The following MCM5 variants were observed in gnomAD, a reference collection of about 807,000 sequenced individuals.
MCM5 encodes the protein minichromosome maintenance complex component 5.
In MCM5, 46 loss-of-function variants were observed where a neutral mutation model predicts 79.9. The observed-to-expected ratio is 0.58, with a 90% CI of 0.45 to 0.74. MCM5 has a LOEUF of 0.74. Ranked by LOEUF, MCM5 falls within the 30% of genes least tolerant of loss-of-function variation. The probability of loss-of-function intolerance (pLI) is 0.00; values close to 1 mark genes in which losing one functional copy is unlikely to be tolerated. For synonymous variants in MCM5, 404 were observed against 390.5 expected (o/e 1.03, Z -0.41); for missense variants, 883 against 1,017.0 (o/e 0.87, Z 1.79).
chr22:35,424,014 A>C (rs1407333725), intron 16 of MCM5, 140 bp from the exon 17 acceptor site: 5 of 598,170 alleles, frequency 8.4e-6, no homozygotes. Flanking sequence ...TGTCTGGTAC[A>C]CAGTGGGCAC....
At chr22:35,434,496 G>A in the MCM5 span, among the ~76,000 whole-genome samples, 3 of 152,234 alleles carry the variant, frequency 2.0e-5, no homozygotes, top group South Asian at 6.2e-4. Flanking sequence ...ATTATCTCCT[G>A]GACCAATCAC....
At chr22:35,453,776 G>C in the MCM5 span, among the ~76,000 whole-genome samples, 1 of 143,726 alleles carries the variant, frequency 7.0e-6, no homozygotes, top group Admixed American at 7.1e-5. Flanking sequence ...GACAAATATA[G>C]GAAGACAGAG....
intron 16 of MCM5, 127 bp downstream of exon 16, chr22:35,423,468 TC>T: frequency 9.4e-7 from 1 of 1,067,052 alleles, no homozygotes; most frequent in Non-Finnish European, 1.3e-6. Flanking sequence ...TGGACAACTG[TC>T]CCTTTCTCAG....
chr22:35,418,399 G>A (rs551076684), intron 13 of MCM5, among the ~76,000 whole-genome samples: 5 of 152,030 alleles, frequency 3.3e-5, no homozygotes, highest in African/African-American at 7.2e-5. Context: ...AGTGGCTCAC[G>A]CTGTAATCCC....
intron 13 of MCM5, among the ~76,000 whole-genome samples, chr22:35,418,320 C>T (rs765574649): frequency 1.8e-4 from 28 of 152,264 alleles, no homozygotes; most frequent in Non-Finnish European, 3.8e-4. Flanking sequence ...CAGTGAGTCG[C>T]AGCTGCAATT....
intron 9 of MCM5, 73 bp downstream of exon 9, chr22:35,414,059 T>C (rs80433): frequency 0.74 from 714,186 of 961,286 alleles, 269,073 homozygotes; most frequent in African/African-American, 0.95. Context: ...CTCTGGGTCC[T>C]CAGGACACCT....
At chr22:35,413,757 A>C in intron 8 of MCM5, 118 bp from the exon 9 acceptor site, 1 of 684,154 alleles carries the variant, frequency 1.5e-6, no homozygotes, top group South Asian at 1.6e-5. Flanking sequence ...CTTCTTACCA[A>C]CTCTGAGGCC....
chr22:35,401,247 C>G (rs934292373), intron 2 of MCM5: 5 of 377,948 alleles, frequency 1.3e-5, no homozygotes, highest in Non-Finnish European at 2.7e-5. Context: ...TCCTGTTCAT[C>G]TGCTTCCTAT....
At chr22:35,400,844 G>A (rs1459526371) in intron 2 of MCM5, among the ~76,000 whole-genome samples, 1 of 152,004 alleles carries the variant, frequency 6.6e-6, no homozygotes, top group African/African-American at 2.4e-5. Context: ...ATTTTGAGAC[G>A]GAGTCTCGCT....
intron 12 of MCM5, among the ~76,000 whole-genome samples, chr22:35,417,191 C>T (rs936668325): frequency 9.9e-5 from 15 of 152,118 alleles, no homozygotes; most frequent in African/African-American, 3.1e-4. Context: ...TTGGTAAGTC[C>T]GGCGGCTTAA....
chr22:35,448,072 C>T, the MCM5 span, among the ~76,000 whole-genome samples: 3 of 152,184 alleles, frequency 2.0e-5, no homozygotes, highest in East Asian at 1.9e-4. Context: ...CCCACACATG[C>T]GGTGTCTCAT....
intron 14 of MCM5, 99 bp from the exon 15 acceptor site, chr22:35,421,219 T>A (rs1484683886): frequency 7.7e-7 from 1 of 1,303,884 alleles, no homozygotes; most frequent in African/African-American, 1.5e-5. Context: ...TCCACCACAG[T>A]CTTACCACTT....
At chr22:35,418,774 T>C (rs551932269) in intron 13 of MCM5, among the ~76,000 whole-genome samples, 6 of 152,206 alleles carry the variant, frequency 3.9e-5, no homozygotes, top group South Asian at 2.1e-4. Flanking sequence ...ATTTTCTATA[T>C]GAATAAATTA....
chr22:35,414,043 C>A, intron 9 of MCM5, 57 bp downstream of exon 9: 1 of 1,217,516 alleles, frequency 8.2e-7, no homozygotes, highest in Non-Finnish European at 1.2e-6. Flanking sequence ...GGCTGCAGGG[C>A]AGGGCCTCTG....
At chr22:35,401,128 G>T (rs1259124630) in intron 2 of MCM5, among the ~76,000 whole-genome samples, 2 of 152,162 alleles carry the variant, frequency 1.3e-5, no homozygotes, top group Non-Finnish European at 2.9e-5. Context: ...CCTGCTTTGT[G>T]TATTTTATCT....
At chr22:35,453,028 G>A in the MCM5 span, among the ~76,000 whole-genome samples, 1 of 152,154 alleles carries the variant, frequency 6.6e-6, no homozygotes, top group Non-Finnish European at 1.5e-5. Flanking sequence ...GGGCTGAGAT[G>A]CTATCTGTGC....
chr22:35,451,200 A>G, the MCM5 span, among the ~76,000 whole-genome samples: 2 of 152,206 alleles, frequency 1.3e-5, no homozygotes, highest in Non-Finnish European at 2.9e-5. Context: ...CAACCTCAGG[A>G]TGCTTTGATG....
intron 12 of MCM5, 112 bp downstream of exon 12, chr22:35,416,926 C>T (rs1174387764): frequency 7.9e-7 from 1 of 1,272,300 alleles, no homozygotes; most frequent in Non-Finnish European, 1.1e-6. Flanking sequence ...TCCTGACTGT[C>T]AGGCTGTGAA....
At chr22:35,441,424 GC>G in the MCM5 span, among the ~76,000 whole-genome samples, 4 of 152,118 alleles carry the variant, frequency 2.6e-5, no homozygotes, top group South Asian at 2.1e-4. Context: ...CTCTCTGGGT[GC>G]CCCCCCACCA....
Sources: allele counts gnomAD v4.1 joint callset (sites outside exome capture counted in the v4.1 genomes callset), GRCh38; gene constraint gnomAD v4.1.1; transcripts MANE v1.5; gene names NCBI Gene and HGNC (gene_info 2026-07-23, HGNC 2026-07-21).